The following ZNF625 variants were observed in gnomAD, a reference collection of about 807,000 sequenced individuals.
ZNF625 encodes the protein zinc finger protein 625.
Under a neutral mutation model 11.1 loss-of-function variants are expected in ZNF625, and 8 were observed. That is an observed-to-expected ratio of 0.72 (90% CI 0.42 to 1.30). The LOEUF is 1.30. ZNF625 is among the 50% of genes most tolerant of loss of function. The pLI is 0.01. For synonymous variants in ZNF625, 145 were observed against 153.4 expected, an observed-to-expected ratio of 0.95 and a Z score of 0.41; for missense variants, 349 against 447.6, an observed-to-expected ratio of 0.78 and a Z score of 1.99.
At position 12,151,886 on chromosome 19, in the gene ZNF625, C is replaced by A. The variant is rs60610066; in HGVS notation, c.4-4084G>T. 3.1e-3 allele frequency among the ~76,000 whole-genome samples: 466 copies of A among 152,276 alleles called. 4 individuals are homozygous for A. The highest frequency in any genetic ancestry group is 0.011 in the African/African-American group (442 of 41,552). ...ATTTTAATGTAGTCAAAATTACATA[C>A]TTTTTCTCTGTTCCTAGTGTTTCTC... is the stretch of plus-strand genomic sequence containing the variant. On this transcript the variant is annotated intron_variant, in intron 1 of 3. Coordinates refer to ENST00000439556, the MANE Select transcript of ZNF625 (RefSeq NM_145233.4).
chr19:12,148,623 A>AT (rs57893180), intron 1 of ZNF625, among the ~76,000 whole-genome samples: 13,462 of 138,248 alleles, frequency 0.097, 808 homozygotes, highest in South Asian at 0.25. Flanking sequence ...TATAACTACC[A>AT]TTTTTTTTTT....
chr19:12,145,610 TGA>T lies in ZNF625; in HGVS notation c.804_805del (p.Thr270TrpfsTer6), dbSNP rs1371327866. 1.2e-6 allele frequency: 2 copies of T among 1,614,174 alleles called. No individual in the cohort carries two copies. The highest frequency in any genetic ancestry group is 1.7e-6 in the Non-Finnish European group (2 of 1,180,036). On this transcript the variant is annotated frameshift_variant, in exon 4 of 4. Coordinates refer to ENST00000439556, the MANE Select transcript of ZNF625 (RefSeq NM_145233.4). LOFTEE classifies it low-confidence loss of function (END_TRUNC). ...ACATTCATACGGCTTCTCCCCAGTG[TGA>T]GTTATTTTATGTGCATGGAGGCATG...
chr19:12,146,566 T>C (rs1761959588), intron 3 of ZNF625, among the ~76,000 whole-genome samples: 1 of 152,136 alleles, frequency 6.6e-6, no homozygotes, highest in South Asian at 2.1e-4. Flanking sequence ...CCTGATTACC[T>C]GAGGCTACAA....
rs1365005181 is a variant in ZNF625, at chr19:12,145,438, A to G, written c.978T>C (p.Thr326=). The change falls in exon 4 of 4, where the codon ACT becomes ACC. Residue 326 remains threonine (T), a synonymous_variant. Transcript: ENST00000439556. ...GTTTACATTCATAGGGTTTCTCTCC[A>G]GTGTGAGTCCTTCCATGTGTTCGAA... ...SHLRTHGRTH[T]GEKPYECKQC... is the part of the protein sequence containing the mutation. 1.9e-6 allele frequency: 3 copies of G among 1,614,212 alleles called. No individual in the cohort carries two copies. Among genetic ancestry groups the G allele is most frequent in the Admixed American group, 3.3e-5 (2 of 60,020 alleles).
At chr19:12,152,830 C>T (rs762609274) in intron 1 of ZNF625, among the ~76,000 whole-genome samples, 36 of 151,056 alleles carry the variant, frequency 2.4e-4, no homozygotes, top group Middle Eastern at 3.4e-3. Context: ...GATGACGGAG[C>T]GAGACTCCAT....
At position 12,146,244 on chromosome 19, in the gene ZNF625, T is replaced by C. The variant is rs1568388297; in HGVS notation, c.192-20A>G. On this transcript the variant is annotated intron_variant, in intron 3 of 3. Transcript: ENST00000439556. ...AGACCTCTGTGAACAATGAGAAGTA[T>C]ATCATAATGGGTTCCTTTATCACTG... 2 of 1,596,352 alleles carry C rather than the reference T, an allele frequency of 1.3e-6. No homozygotes were observed. Among genetic ancestry groups the C allele is most frequent in the African/African-American group, 1.3e-5 (1 of 74,248 alleles).
intron 1 of ZNF625, 56 bp downstream of exon 1, chr19:12,156,500 A>G (rs747391398): frequency 7.2e-6 from 10 of 1,389,072 alleles, no homozygotes; most frequent in Non-Finnish European, 8.4e-6. Flanking sequence ...AGCCGGTTCG[A>G]GCCGGTTCCT....
intron 1 of ZNF625, among the ~76,000 whole-genome samples, chr19:12,151,807 C>T (rs935090941): frequency 1.3e-5 from 2 of 152,096 alleles, no homozygotes; most frequent in Non-Finnish European, 2.9e-5. Flanking sequence ...AACCACTAAC[C>T]TTGACCATAC....
chr19:12,145,281 A>G lies in ZNF625; in HGVS notation c.*16T>C. ...ACCATGATTGGATTCGGTGGCTTCTAGGAATCTTATGTGAATTAAGCAATC... is the reference window on the plus strand; with the variant it reads ...ACCATGATTGGATTCGGTGGCTTCTGGGAATCTTATGTGAATTAAGCAATC... On this transcript the variant is annotated 3_prime_UTR_variant, in exon 4 of 4. Transcript: ENST00000439556. 1 of 1,569,308 alleles carries G rather than the reference A, an allele frequency of 6.4e-7. No individual in the cohort carries two copies. The highest frequency in any genetic ancestry group is 8.6e-7 in the Non-Finnish European group (1 of 1,158,470).
At chr19:12,146,289 G>C (rs1408507096) in intron 3 of ZNF625, 65 bp from the exon 4 acceptor site, 1 of 1,434,292 alleles carries the variant, frequency 7.0e-7, no homozygotes, top group Non-Finnish European at 9.6e-7. Flanking sequence ...TCATTAACAA[G>C]TCATTGCACT....
intron 1 of ZNF625, among the ~76,000 whole-genome samples, chr19:12,150,794 TCA>T (rs1976943819): frequency 6.6e-6 from 1 of 152,126 alleles, no homozygotes; most frequent in South Asian, 2.1e-4. Context: ...TATCTCCCAC[TCA>T]CATATCCAGA....
chr19:12,151,859 A>C (rs184970247), intron 1 of ZNF625, among the ~76,000 whole-genome samples: 1 of 152,242 alleles, frequency 6.6e-6, no homozygotes, highest in East Asian at 1.9e-4. Context: ...AGAAAAGCTT[A>C]AATTTTAATG....
chr19:12,146,397 TATCAAGAAAGATAATATTG>T (rs112844496), intron 3 of ZNF625, among the ~76,000 whole-genome samples, 173 bp from the exon 4 acceptor site: 24,377 of 152,140 alleles, frequency 0.16, 2,170 homozygotes, highest in African/African-American at 0.23. Flanking sequence ...CTATACCTGT[TATCAAGAAAGATAATATTG>T]ATATAGGGCT....
chr19:12,156,074 T>C (rs1977022116), intron 1 of ZNF625, among the ~76,000 whole-genome samples: 1 of 151,978 alleles, frequency 6.6e-6, no homozygotes, highest in Non-Finnish European at 1.5e-5. Flanking sequence ...CCTAGGCTGG[T>C]CTCGAATTTC....
intron 3 of ZNF625, among the ~76,000 whole-genome samples, 179 bp from the exon 4 acceptor site, chr19:12,146,403 GAAAGATAATATTGATA>G (rs1976873968): frequency 9.3e-6 from 1 of 107,620 alleles, no homozygotes. Context: ...CTGTTATCAA[GAAAGATAATATTGATA>G]TAGGGCTTCT....
Position 12,145,149 on chromosome 19 carries a change from T to C in ZNF625, c.*148A>G. The C allele has an allele frequency of 3.0e-6, 3 of 1,007,660 alleles. No homozygotes were observed. Among genetic ancestry groups the C allele is most frequent in the Non-Finnish European group, 4.4e-6 (3 of 685,500 alleles). 62.4% of individuals were successfully genotyped at this position (1,007,660 alleles called of 1,614,324 possible). On this transcript the variant is annotated 3_prime_UTR_variant, in exon 4 of 4. Transcript: ENST00000439556. ...CTAAACTACTCCCAAAAATTTTTGC[T>C]CCTGGGCTACTGGCATTTATTTCTG...
chr19:12,151,732 C>T (rs1260427709), intron 1 of ZNF625, among the ~76,000 whole-genome samples: 6 of 151,972 alleles, frequency 3.9e-5, no homozygotes, highest in Non-Finnish European at 5.9e-5. Context: ...CCAGGTTGGT[C>T]TTAAACTCCT....
At chr19:12,152,831 G>C (rs531830546) in intron 1 of ZNF625, among the ~76,000 whole-genome samples, 11 of 151,216 alleles carry the variant, frequency 7.3e-5, no homozygotes, top group African/African-American at 2.4e-4. Flanking sequence ...ATGACGGAGC[G>C]AGACTCCATC....
chr19:12,145,811 C>G lies in ZNF625; in HGVS notation c.605G>C (p.Cys202Ser). The change falls in exon 4 of 4, where the codon TGT becomes TCT. Residue 202 changes from cysteine to serine, a missense_variant. Physicochemically the swap from Cys to Ser is moderately radical, Grantham distance 112 (BLOSUM62 -1). Transcript: ENST00000439556. ...KCNFCGKALMCLSLYLIHKRT... is the reference protein window; with the variant it reads ...KCNFCGKALMSLSLYLIHKRT... ...TTTGTGGATAAGATACAAACTGAGA[C>G]ACATCAAGGCTTTCCCACAAAAGTT... The G allele has an allele frequency of 6.2e-7, 1 of 1,614,150 alleles. No individual in the cohort carries two copies. Among genetic ancestry groups the G allele is most frequent in the African/African-American group, 1.3e-5 (1 of 75,034 alleles).
Sources: allele counts gnomAD v4.1 joint callset (sites outside exome capture counted in the v4.1 genomes callset), GRCh38; gene constraint gnomAD v4.1.1; transcripts MANE v1.5; gene names NCBI Gene and HGNC (gene_info 2026-07-23, HGNC 2026-07-21).